ITGB6: variants seen among roughly 807,000 people sequenced by gnomAD.
ITGB6 encodes integrin beta-6.
ITGB6 carries 80 observed loss-of-function variants against 84.5 expected under a neutral mutation model. The ratio of observed to expected loss-of-function variants is 0.95; its 90% CI spans 0.79 to 1.14. The LOEUF is 1.14. Ranked by LOEUF, ITGB6 falls within the 50% of genes most tolerant of loss-of-function variation. The pLI, the probability that ITGB6 is intolerant of heterozygous loss-of-function variation, is 0.00. For missense variants in ITGB6, 1,006 were observed against 968.0 expected, an observed-to-expected ratio of 1.04 and a Z score of -0.52; for synonymous variants, 383 against 354.9, an observed-to-expected ratio of 1.08 and a Z score of -0.89.
Position 160,123,901 on chromosome 2 carries a change from T to G in ITGB6, c.1884-13A>C. 1.3e-6 allele frequency: 2 copies of G among 1,593,932 alleles called. No homozygotes were observed. Among genetic ancestry groups the G allele is most frequent in the Non-Finnish European group, 1.7e-6 (2 of 1,163,324 alleles). On this transcript the variant is annotated splice_polypyrimidine_tract_variant and intron_variant, in intron 11 of 14. Coordinates refer to ENST00000283249, the MANE Select transcript of ITGB6 (RefSeq NM_000888.5). ...CTCAATGCAGCTCCTGTGGACAGTA[T>G]CCAACAGTGTATCAGTTCATGCTGG...
intron 4 of ITGB6, 81 bp downstream of exon 4, chr2:160,195,288 C>T (rs1686286500): frequency 1.9e-6 from 3 of 1,544,848 alleles, no homozygotes; most frequent in South Asian, 1.2e-5. Flanking sequence ...AGTTAGCAAG[C>T]TCCTGGCAAG....
intron 8 of ITGB6, among the ~76,000 whole-genome samples, chr2:160,140,056 A>G (rs940075307): frequency 7.9e-5 from 12 of 152,146 alleles, no homozygotes; most frequent in African/African-American, 2.4e-4. Flanking sequence ...TTTTCTCTCA[A>G]TATATTCTCT....
intron 2 of ITGB6, 42 bp downstream of exon 2, chr2:160,199,137 T>G (rs777773726): frequency 1.2e-5 from 17 of 1,475,106 alleles, no homozygotes; most frequent in South Asian, 3.4e-5. Context: ...TGAATTTAAC[T>G]GCAGACAGGT....
At chr2:160,161,188 T>C (rs1684802849) in intron 7 of ITGB6, among the ~76,000 whole-genome samples, 1 of 152,178 alleles carries the variant, frequency 6.6e-6, no homozygotes, top group Non-Finnish European at 1.5e-5. Context: ...GTATGGCAAC[T>C]ATAGGCTCAG....
In ITGB6 at chr2:160,166,674, GCTCAGT is replaced by G. The variant is rs1176662177; in HGVS notation, c.1017+2532_1017+2537del. Reference sequence around the variant, plus strand: ...ACTAGAATGTAATATACTACCCACTGCTCAGTCTATTATCATCATTATCTTTCGAAC... The same window carrying G: ...ACTAGAATGTAATATACTACCCACTGCTATTATCATCATTATCTTTCGAAC... On this transcript the variant is annotated intron_variant, in intron 7 of 14. Transcript: ENST00000283249. 4.6e-5 allele frequency among the ~76,000 whole-genome samples: 7 copies of G among 152,144 alleles called. No individual in the cohort carries two copies. In the East Asian group the frequency reaches 1.3e-3, roughly 29 times the overall value.
intron 7 of ITGB6, among the ~76,000 whole-genome samples, chr2:160,149,416 A>G (rs570821579): frequency 1.3e-5 from 2 of 152,222 alleles, no homozygotes; most frequent in East Asian, 3.9e-4. Flanking sequence ...TCAACATAAC[A>G]AAAAGGACAT....
chr2:160,105,980 C>T (rs1030036049), intron 14 of ITGB6, among the ~76,000 whole-genome samples: 4 of 152,176 alleles, frequency 2.6e-5, no homozygotes, highest in Non-Finnish European at 5.9e-5. Flanking sequence ...AAAGACCCAT[C>T]GCTCAGATTC....
intron 10 of ITGB6, among the ~76,000 whole-genome samples, chr2:160,132,802 A>G (rs948241528): frequency 8.5e-5 from 13 of 152,278 alleles, no homozygotes; most frequent in Admixed American, 3.9e-4. Flanking sequence ...TTTTACATCT[A>G]TGTAGGATAT....
At chr2:160,172,870 G>A in intron 5 of ITGB6, 140 bp from the exon 6 acceptor site, 1 of 569,176 alleles carries the variant, frequency 1.8e-6, no homozygotes, top group East Asian at 2.7e-5. Flanking sequence ...ATCGTGAATT[G>A]ATAATATTAA....
At chr2:160,136,187 A>T (rs976487680) in intron 10 of ITGB6, among the ~76,000 whole-genome samples, 4 of 152,186 alleles carry the variant, frequency 2.6e-5, no homozygotes, top group African/African-American at 2.4e-5. Flanking sequence ...GAATCTACAA[A>T]GAACTCAAAC....
intron 7 of ITGB6, among the ~76,000 whole-genome samples, chr2:160,162,766 A>G (rs1271251567): frequency 6.6e-6 from 1 of 151,970 alleles, no homozygotes; most frequent in Non-Finnish European, 1.5e-5. Context: ...TTACAGGTGC[A>G]TGCCACCACA....
intron 12 of ITGB6, among the ~76,000 whole-genome samples, chr2:160,119,991 G>A (rs1682959632): frequency 6.6e-6 from 1 of 151,796 alleles, no homozygotes; most frequent in Non-Finnish European, 1.5e-5. Flanking sequence ...CAGTTAGAAT[G>A]GCAATCATTA....
intron 12 of ITGB6, among the ~76,000 whole-genome samples, chr2:160,116,236 G>A (rs1277374007): frequency 6.6e-6 from 1 of 151,904 alleles, no homozygotes; most frequent in Non-Finnish European, 1.5e-5. Flanking sequence ...TGAAATTAAG[G>A]AAAAAATGCT....
intron 13 of ITGB6, among the ~76,000 whole-genome samples, chr2:160,109,138 G>C (rs1327582293): frequency 1.3e-5 from 2 of 152,210 alleles, no homozygotes; most frequent in Non-Finnish European, 1.5e-5. Flanking sequence ...TGGAGTTGAT[G>C]TGAATCTGAG....
At chr2:160,115,068 G>C (rs540819011) in intron 12 of ITGB6, among the ~76,000 whole-genome samples, 3,731 of 152,260 alleles carry the variant, frequency 0.025, 143 homozygotes, top group African/African-American at 0.085. Flanking sequence ...CACCTCTGGG[G>C]GCAGGGCACA....
At chr2:160,140,235 C>G (rs1683949495) in intron 8 of ITGB6, among the ~76,000 whole-genome samples, 1 of 152,160 alleles carries the variant, frequency 6.6e-6, no homozygotes, top group Non-Finnish European at 1.5e-5. Flanking sequence ...AATAATAACT[C>G]CAGTGCAAGA....
intron 7 of ITGB6, among the ~76,000 whole-genome samples, chr2:160,162,868 C>T (rs1478525990): frequency 1.3e-5 from 2 of 152,204 alleles, no homozygotes; most frequent in African/African-American, 2.4e-5. Flanking sequence ...GATCCACCCA[C>T]CTCGGCCCCC....
intron 4 of ITGB6, among the ~76,000 whole-genome samples, chr2:160,182,223 T>A (rs1029994438): frequency 6.6e-6 from 1 of 152,008 alleles, no homozygotes; most frequent in Non-Finnish European, 1.5e-5. Flanking sequence ...TCTAACCCAA[T>A]GCAAGGAAGC....
intron 11 of ITGB6, among the ~76,000 whole-genome samples, chr2:160,125,752 G>A (rs1683213373): frequency 6.6e-6 from 1 of 152,096 alleles, no homozygotes; most frequent in Admixed American, 6.5e-5. Flanking sequence ...CTACAAATGT[G>A]GCCCCAATTT....
Sources: allele counts gnomAD v4.1 joint callset (sites outside exome capture counted in the v4.1 genomes callset), GRCh38; gene constraint gnomAD v4.1.1; transcripts MANE v1.5; gene names NCBI Gene and HGNC (gene_info 2026-07-23, HGNC 2026-07-21).